Variants in REXO5 observed in about 807,000 individuals in gnomAD.
The protein encoded by REXO5 is RNA exonuclease 5.
A neutral mutation model predicts 88.5 loss-of-function variants in REXO5; 48 were observed. The observed-to-expected ratio is 0.54, with a 90% CI of 0.43 to 0.69. The LOEUF is 0.69. REXO5 is among the 30% of genes least tolerant of loss of function. The pLI, the probability that REXO5 is intolerant of heterozygous loss-of-function variation, is 0.00. For missense variants in REXO5, 749 were observed against 912.2 expected (o/e 0.82, Z 2.30); for synonymous variants, 311 against 336.5 (o/e 0.92, Z 0.83).
chr16:20,832,866 T>G, intron 12 of REXO5, 137 bp from the exon 13 acceptor site: 1 of 745,982 alleles, frequency 1.3e-6, no homozygotes, highest in Non-Finnish European at 2.0e-6. Context: ...GAACTGAATT[T>G]TTAATTTTAT....
Position 20,827,204 on chromosome 16 carries a change from T to A in REXO5, c.960+8T>A. ...GATCTCAGAGCACTGAAAGTGAGTA[T>A]CTGATTTAGGACTTTGCATTTTCAG... is the stretch of plus-strand genomic sequence containing the variant. On this transcript the variant is annotated splice_region_variant and intron_variant, in intron 9 of 19. Coordinates refer to ENST00000261377, the MANE Select transcript of REXO5 (RefSeq NM_030941.3). 1 of 1,614,136 alleles carries A rather than the reference T, an allele frequency of 6.2e-7. No homozygotes were observed. The highest frequency in any genetic ancestry group is 1.3e-5 in the African/African-American group (1 of 75,054).
chr16:20,816,611 G>T (rs964198379), intron 5 of REXO5, among the ~76,000 whole-genome samples: 6 of 152,114 alleles, frequency 3.9e-5, no homozygotes, highest in African/African-American at 1.2e-4. Context: ...AAAGTGTGGG[G>T]ATTATAGGCA....
intron 15 of REXO5, among the ~76,000 whole-genome samples, chr16:20,840,693 C>T (rs2081513234): frequency 1.3e-5 from 2 of 152,050 alleles, no homozygotes; most frequent in African/African-American, 4.8e-5. Flanking sequence ...TCTGGCTGGG[C>T]GCAGTGGCCT....
chr16:20,840,347 C>A lies in REXO5; in HGVS notation c.1505C>A (p.Thr502Lys). 1 of 1,552,892 alleles carries A rather than the reference C, an allele frequency of 6.4e-7. No individual in the cohort carries two copies. Residue 502 changes from threonine (T) to lysine (K), a missense_variant, in exon 15 of 20, where the codon ACA (threonine) becomes AAA (lysine). By Grantham distance (78) the Thr-to-Lys change is moderately conservative. Transcript: ENST00000261377. ...EMNKRMRIKW[T>K]EISTVYAGPF... ...TTCCTACAGATGAGGATCAAGTGGA[C>A]AGAGATATCAACTGTCTATGCTGGG...
chr16:20,822,001 G>T (rs79579769), intron 6 of REXO5, 99 bp downstream of exon 6: 5 of 1,247,162 alleles, frequency 4.0e-6, no homozygotes, highest in Non-Finnish European at 5.4e-6. Context: ...GCTGTTTTCT[G>T]AGTGGCTTAT....
At chr16:20,815,089 T>A (rs2093058069) in intron 4 of REXO5, 36 bp downstream of exon 4, 2 of 1,590,214 alleles carry the variant, frequency 1.3e-6, no homozygotes, top group Non-Finnish European at 1.7e-6. Flanking sequence ...GGGCTGAGTC[T>A]GTTTTCCCAT....
intron 16 of REXO5, 31 bp from the exon 17 acceptor site, chr16:20,844,598 T>C: frequency 6.2e-7 from 1 of 1,600,496 alleles, no homozygotes; most frequent in Non-Finnish European, 8.6e-7. Flanking sequence ...AAATTGATTT[T>C]CTACCACTAA....
intron 8 of REXO5, 30 bp from the exon 9 acceptor site, chr16:20,827,028 G>T (rs2081269299): frequency 3.7e-6 from 6 of 1,611,996 alleles, no homozygotes; most frequent in Non-Finnish European, 5.1e-6. Context: ...TAATATCCTA[G>T]CCTGTCCATT....
At chr16:20,846,694 T>C (rs2081612361) in intron 19 of REXO5, among the ~76,000 whole-genome samples, 3 of 152,178 alleles carry the variant, frequency 2.0e-5, no homozygotes, top group African/African-American at 7.2e-5. Context: ...ATGTGAGGAA[T>C]GTGTTCCTGC....
At chr16:20,839,208 T>C (rs2081486224) in intron 13 of REXO5, among the ~76,000 whole-genome samples, 1 of 152,234 alleles carries the variant, frequency 6.6e-6, no homozygotes, top group Non-Finnish European at 1.5e-5. Context: ...ATATATCTGA[T>C]TCTTCTCCAG....
chr16:20,848,953 C>A (rs555154775), intron 19 of REXO5, among the ~76,000 whole-genome samples: 1 of 152,262 alleles, frequency 6.6e-6, no homozygotes, highest in South Asian at 2.1e-4. Context: ...AGTTGTGTGA[C>A]TTCAGCAAGT....
chr16:20,844,886 T>G, intron 17 of REXO5, 41 bp downstream of exon 17: 1 of 1,581,358 alleles, frequency 6.3e-7, no homozygotes. Flanking sequence ...GGAAGGAAAC[T>G]GGGGATGGTG....
chr16:20,841,488 G>A (rs1369965535), intron 15 of REXO5, among the ~76,000 whole-genome samples: 1 of 152,170 alleles, frequency 6.6e-6, no homozygotes, highest in African/African-American at 2.4e-5. Context: ...TTAGAATTCG[G>A]AACTAGGTAA....
At chr16:20,809,543 T>C (rs1031714535) in intron 2 of REXO5, among the ~76,000 whole-genome samples, 4 of 152,364 alleles carry the variant, frequency 2.6e-5, no homozygotes, top group East Asian at 1.9e-4. Context: ...AAATTAGATT[T>C]GTCTGTTTCT....
chr16:20,846,275 G>C lies in REXO5; in HGVS notation c.2179G>C (p.Gly727Arg), dbSNP rs767960420. The stretch of plus-strand genomic sequence containing the variant: ...AGCCTGGCGCTGGAGCCGGAAGATT[G>C]GAAAGCTCTACAACAGCTTGTGCCC... ...IAAWRWSRKI[G>R]KLYNSLCPGT... The change falls in exon 19 of 20, where the codon GGA (glycine) becomes CGA (arginine). Residue 727 changes from glycine to arginine, a missense_variant. Gly to Arg is a moderately radical substitution (Grantham distance 125). Transcript: ENST00000261377. 3 of 1,614,062 alleles carry C rather than the reference G, an allele frequency of 1.9e-6. No homozygotes were observed. The highest frequency in any genetic ancestry group is 2.5e-6 in the Non-Finnish European group (3 of 1,179,948).
chr16:20,822,660 T>G (rs2081202700), intron 6 of REXO5, among the ~76,000 whole-genome samples: 2 of 152,244 alleles, frequency 1.3e-5, no homozygotes, highest in Non-Finnish European at 2.9e-5. Flanking sequence ...TAAGTGGATG[T>G]GCAATATGTG....
rs566446450 is a variant in REXO5 at position 20,825,623 on chromosome 16, G to C, written c.706-210G>C. The C allele has an allele frequency of 8.7e-4, 460 of 525,762 alleles. 1 individual carries two copies. Among genetic ancestry groups the C allele is most frequent in the Admixed American group, 1.8e-3 (54 of 29,718 alleles). The allele number at this position is 525,762 out of a possible 1,614,324, so 32.6% of individuals were successfully genotyped here. ...TATTTGCATTCATCTTCTTTGTGCA[G>C]ACTACACTGTGTTGATCCTCTTAAG... On this transcript the variant is annotated intron_variant, in intron 7 of 19. Coordinates refer to ENST00000261377, the MANE Select transcript of REXO5 (RefSeq NM_030941.3).
At chr16:20,814,513 ATTACAGGC>A (rs2081051856) in intron 3 of REXO5, among the ~76,000 whole-genome samples, 1 of 152,124 alleles carries the variant, frequency 6.6e-6, no homozygotes, top group South Asian at 2.1e-4. Context: ...AAGTGCTGGG[ATTACAGGC>A]GTGAGTCACC....
intron 2 of REXO5, among the ~76,000 whole-genome samples, chr16:20,812,060 C>T (rs1191088635): frequency 6.6e-6 from 1 of 152,178 alleles, no homozygotes; most frequent in Non-Finnish European, 1.5e-5. Flanking sequence ...TCTGCTGCCT[C>T]GCAGACCAAA....
Sources: gnomAD v4.1 joint callset for allele counts (sites outside exome capture counted in the v4.1 genomes callset) on GRCh38, gnomAD v4.1.1 for gene constraint, MANE v1.5 for transcripts, NCBI Gene and HGNC (gene_info 2026-07-23, HGNC 2026-07-21) for gene names.